PTPN2: variants seen among roughly 807,000 people sequenced by gnomAD.
The protein encoded by PTPN2 is protein tyrosine phosphatase non-receptor type 2, also known as tyrosine-protein phosphatase non-receptor type 2.
PTPN2 carries 19 observed loss-of-function variants against 57.3 expected under a neutral mutation model. The observed-to-expected ratio is 0.33, with a 90% CI of 0.23 to 0.49. PTPN2 has a LOEUF of 0.49. Ranked by LOEUF, PTPN2 falls within the 20% of genes least tolerant of loss-of-function variation. The pLI, the probability that PTPN2 is intolerant of heterozygous loss-of-function variation, is 0.99. For synonymous variants in PTPN2, 153 were observed against 164.9 expected, an observed-to-expected ratio of 0.93 and a Z score of 0.55; for missense variants, 358 against 501.1, an observed-to-expected ratio of 0.71 and a Z score of 2.73.
At chr18:12,800,205 T>G (rs758733257) in intron 8 of PTPN2, among the ~76,000 whole-genome samples, 2 of 152,198 alleles carry the variant, frequency 1.3e-5, no homozygotes, top group Admixed American at 1.3e-4. Flanking sequence ...GTCTCCTCTG[T>G]ATTTGCAAGC....
intron 2 of PTPN2, among the ~76,000 whole-genome samples, chr18:12,839,048 G>C (rs1460671478): frequency 2.0e-5 from 3 of 151,800 alleles, no homozygotes; most frequent in Non-Finnish European, 4.4e-5. Flanking sequence ...ATTTCGAAGA[G>C]GCAGTAGAGA....
rs1189334871 is a variant in PTPN2, at chr18:12,825,848, A to G, written c.457T>C (p.Tyr153His). Residue 153 changes from tyrosine (Y) to histidine (H), a missense_variant, in exon 5 of 9, where the codon TAT (tyrosine) becomes CAT (histidine). By Grantham distance (83) the Tyr-to-His change is moderately conservative. Around this residue, in one of 4 missense-constraint regions of PTPN2, gnomAD observed 193 missense variants for 315.4 expected, o/e 0.61. Transcript: ENST00000309660. ...VKLLSEDVKS[Y>H]YTVHLLQLEN... ...AATTGTAGTAGATGTACTGTATAAT[A>G]CGACTTCACATCTTCTGACAAGAGC... 19 of 1,610,960 alleles carry G rather than the reference A, an allele frequency of 1.2e-5. No individual in the cohort carries two copies. The highest frequency in any genetic ancestry group is 1.6e-5 in the Non-Finnish European group (19 of 1,179,206).
At chr18:12,839,031 CTTT>C (rs1568133151) in intron 2 of PTPN2, among the ~76,000 whole-genome samples, 1 of 151,578 alleles carries the variant, frequency 6.6e-6, no homozygotes, top group Non-Finnish European at 1.5e-5. Flanking sequence ...GTATATATAA[CTTT>C]TTGATTTCGA....
intron 3 of PTPN2, among the ~76,000 whole-genome samples, chr18:12,835,380 G>GTTTTTTTTTTTTTTTTTTTTTTTTT (rs1598816657): frequency 4.8e-5 from 1 of 20,664 alleles, no homozygotes; most frequent in African/African-American, 1.2e-4. Context: ...GATCACATAT[G>GTTTTTTTTTTTTTTTTTTTTTTTTT]TCTTTTTTTT....
chr18:12,879,369 T>C (rs1016151934), intron 1 of PTPN2, among the ~76,000 whole-genome samples: 1 of 152,212 alleles, frequency 6.6e-6, no homozygotes, highest in Non-Finnish European at 1.5e-5. Flanking sequence ...CTTTCTAAGA[T>C]TTCTGGCTCC....
At chr18:12,807,604 T>TATATAAAA (rs753128305) in intron 7 of PTPN2, among the ~76,000 whole-genome samples, 1 of 95,540 alleles carries the variant, frequency 1.0e-5, no homozygotes, top group Admixed American at 1.3e-4. Context: ...TATATATATA[T>TATATAAAA]AATATAATAC....
At chr18:12,819,117 T>C (rs2042184115) in intron 5 of PTPN2, 2 of 466,410 alleles carry the variant, frequency 4.3e-6, no homozygotes, top group East Asian at 3.8e-5. Context: ...AAAAATCCAT[T>C]TTGCAGTAGA....
At chr18:12,833,120 C>T (rs1413706860) in intron 3 of PTPN2, among the ~76,000 whole-genome samples, 1 of 152,196 alleles carries the variant, frequency 6.6e-6, no homozygotes, top group African/African-American at 2.4e-5. Context: ...AACAGAGATT[C>T]ACATCTCAGC....
At chr18:12,787,556 A>G (rs1020022090), downstream of PTPN2, 3 of 152,242 alleles carry the variant, frequency 2.0e-5, no homozygotes, top group African/African-American at 7.2e-5. Context: ...AGAATGAACT[A>G]TCATTTATAA....
intron 7 of PTPN2, among the ~76,000 whole-genome samples, chr18:12,805,221 C>T (rs1452272589): frequency 2.0e-5 from 3 of 152,190 alleles, no homozygotes; most frequent in Admixed American, 2.0e-4. Context: ...CTTTGGGAGG[C>T]TGAGGTGGGT....
At chr18:12,868,558 C>T (rs150194342) in intron 1 of PTPN2, among the ~76,000 whole-genome samples, 71 of 149,908 alleles carry the variant, frequency 4.7e-4, no homozygotes, top group African/African-American at 1.7e-3. Flanking sequence ...CTTCATTTGT[C>T]ATAGTTTTCT....
chr18:12,861,394 G>C (rs2043804241), intron 1 of PTPN2, among the ~76,000 whole-genome samples: 1 of 152,158 alleles, frequency 6.6e-6, no homozygotes, highest in Non-Finnish European at 1.5e-5. Flanking sequence ...ACACGCAGGA[G>C]TCTGTTTCTA....
chr18:12,870,460 TATAG>T lies in PTPN2; in HGVS notation c.70-11210_70-11207del, dbSNP rs1462036232. Among the ~76,000 whole-genome samples the T allele has an allele frequency of 1.2e-3, 29 of 24,106 alleles. 1 individual carries two copies. Among genetic ancestry groups the T allele is most frequent in the South Asian group, 3.8e-3 (1 of 264 alleles). 15.8% of individuals were successfully genotyped at this position (24,106 alleles called of 152,430 possible). A position where few individuals can be genotyped will look rare whatever the true frequency, so the allele number is the denominator to read the frequency against. On this transcript the variant is annotated intron_variant, in intron 1 of 8. Transcript: ENST00000309660. ...ATATGTGTATATATATATATATATATATAGAGAGAGAGAGAGAGAGAGAGAGAGA... is the reference window on the plus strand; with the variant it reads ...ATATGTGTATATATATATATATATATAGAGAGAGAGAGAGAGAGAGAGAGA...
In PTPN2 at chr18:12,802,117, G is replaced by C. The variant is rs764406914; in HGVS notation, c.893C>G (p.Ser298Cys). 58 of 1,610,776 alleles carry C rather than the reference G, an allele frequency of 3.6e-5. 1 individual carries two copies. The South Asian group carries it at 6.1e-4, about 17-fold the overall frequency. ...RWKELSKEDL[S>C]PAFDHSPNKI... ...GTTTGGTGAATGATCAAAGGCAGGA[G>C]ATAAGTCTTCCTTAGAAAGTTCTTT... is the stretch of plus-strand genomic sequence containing the variant. Residue 298 changes from serine to cysteine, a missense_variant, in exon 8 of 9, where the codon TCT (serine) becomes TGT (cysteine). By Grantham distance (112) the Ser-to-Cys change is moderately radical (BLOSUM62 -1). This residue lies in a region of PTPN2 where 193 missense variants were observed against 315.4 expected (regional missense o/e 0.61). Transcript: ENST00000309660.
At chr18:12,803,144 G>A (rs1159392893) in intron 7 of PTPN2, among the ~76,000 whole-genome samples, 1 of 152,096 alleles carries the variant, frequency 6.6e-6, no homozygotes, top group Non-Finnish European at 1.5e-5. Context: ...TATTTTATGA[G>A]ACCAAGGTTA....
chr18:12,845,551 G>A (rs1179159283), intron 2 of PTPN2, among the ~76,000 whole-genome samples: 3 of 152,194 alleles, frequency 2.0e-5, no homozygotes, highest in Non-Finnish European at 4.4e-5. Flanking sequence ...CCACAACCTC[G>A]TTTAACTCAC....
At chr18:12,830,083 C>G (rs1409574903) in intron 4 of PTPN2, among the ~76,000 whole-genome samples, 2 of 150,926 alleles carry the variant, frequency 1.3e-5, no homozygotes. Flanking sequence ...CTCAAACTGA[C>G]AATGTCATAA....
chr18:12,846,694 T>A (rs1164489138), intron 2 of PTPN2, among the ~76,000 whole-genome samples: 1 of 152,216 alleles, frequency 6.6e-6, no homozygotes, highest in African/African-American at 2.4e-5. Flanking sequence ...AAATTTGGTA[T>A]CAAAAGCTAA....
chr18:12,838,463 T>G (rs1007601576), intron 2 of PTPN2, among the ~76,000 whole-genome samples: 1 of 152,198 alleles, frequency 6.6e-6, no homozygotes, highest in Admixed American at 6.5e-5. Flanking sequence ...ACTGCTATTT[T>G]CCTTCTATCT....
Sources: gnomAD v4.1 joint callset for allele counts (sites outside exome capture counted in the v4.1 genomes callset) on GRCh38, gnomAD v4.1.1 for gene constraint, gnomAD v4.1.1 regional missense constraint, MANE v1.5 for transcripts, NCBI Gene and HGNC (gene_info 2026-07-23, HGNC 2026-07-21) for gene names.